Variants in MTUS2 observed in about 807,000 individuals in gnomAD.
MTUS2 encodes microtubule-associated tumor suppressor candidate 2.
MTUS2 carries 40 observed loss-of-function variants against 114.1 expected under a neutral mutation model. That is an observed-to-expected ratio of 0.35 (90% CI 0.27 to 0.46). The LOEUF (loss-of-function observed/expected upper bound fraction) is 0.46. Among genes scored for constraint, MTUS2 ranks in the 20% least tolerant of loss-of-function variants. The pLI, the probability that MTUS2 is intolerant of heterozygous loss-of-function variation, is 1.00. For missense variants in MTUS2, 1,679 were observed against 1,705.4 expected (o/e 0.98, Z 0.27); for synonymous variants, 688 against 672.0 (o/e 1.02, Z -0.37).
At chr13:29,126,279 C>T (rs114732409) in intron 5 of MTUS2, among the ~76,000 whole-genome samples, 3 of 152,256 alleles carry the variant, frequency 2.0e-5, no homozygotes, top group African/African-American at 4.8e-5. Flanking sequence ...AGAGTTCATA[C>T]GTGTAGTCAC....
At chr13:28,995,876 A>C (rs1161452248) in intron 2 of MTUS2, among the ~76,000 whole-genome samples, 6 of 152,130 alleles carry the variant, frequency 3.9e-5, no homozygotes, top group Admixed American at 2.0e-4. Context: ...TTCCTAATTG[A>C]ATACCCTTTA....
intron 2 of MTUS2, among the ~76,000 whole-genome samples, chr13:28,903,890 T>C (rs9550413): frequency 0.13 from 19,348 of 152,042 alleles, 1,476 homozygotes; most frequent in African/African-American, 0.2. Flanking sequence ...AGTGTAAAAG[T>C]GTTCCTATTT....
chr13:29,204,000 C>A (rs1411493605), intron 5 of MTUS2, among the ~76,000 whole-genome samples: 4 of 151,778 alleles, frequency 2.6e-5, no homozygotes, highest in Non-Finnish European at 5.9e-5. Context: ...CGCTCGGTCA[C>A]CCAGGCTGGA....
At chr13:29,409,068 C>T (rs761273398) in intron 8 of MTUS2, among the ~76,000 whole-genome samples, 1 of 152,114 alleles carries the variant, frequency 6.6e-6, no homozygotes, top group African/African-American at 2.4e-5. Flanking sequence ...ACCTGTAATC[C>T]CAGCACTTTG....
intron 2 of MTUS2, among the ~76,000 whole-genome samples, chr13:28,964,825 C>G (rs1176840916): frequency 6.6e-6 from 1 of 150,878 alleles, no homozygotes; most frequent in Non-Finnish European, 1.5e-5. Flanking sequence ...GATGGCTGGC[C>G]TTTCTCGATT....
Position 29,492,724 on chromosome 13 carries a change from G to T in MTUS2, c.3579+5G>T. The T allele has an allele frequency of 6.2e-7, 1 of 1,609,522 alleles. No individual in the cohort carries two copies. Among genetic ancestry groups the T allele is most frequent in the South Asian group, 1.1e-5 (1 of 90,890 alleles). On this transcript the variant is annotated splice_donor_5th_base_variant and intron_variant, in intron 12 of 15. Transcript: ENST00000612955. ...AAACTGCGGCTGTCATTGCAGGTTA[G>T]TATTTCTTTAATTTTCTTACCTGGT...
chr13:29,425,857 T>C (rs981732419), intron 8 of MTUS2, among the ~76,000 whole-genome samples: 1 of 152,144 alleles, frequency 6.6e-6, no homozygotes, highest in Admixed American at 6.5e-5. Flanking sequence ...GGCCTCTCTT[T>C]GTGTAGATCC....
At chr13:29,018,485 G>A (rs1231798744) in intron 2 of MTUS2, among the ~76,000 whole-genome samples, 2 of 152,196 alleles carry the variant, frequency 1.3e-5, no homozygotes, top group African/African-American at 4.8e-5. Context: ...AGAAATGTAT[G>A]TGCATTTGGC....
At chr13:29,171,807 T>C (rs1893573529) in intron 5 of MTUS2, among the ~76,000 whole-genome samples, 1 of 152,204 alleles carries the variant, frequency 6.6e-6, no homozygotes. Context: ...AAATGGCTGC[T>C]TGAAATCCAG....
At chr13:29,420,918 AG>A (rs999329756) in intron 8 of MTUS2, among the ~76,000 whole-genome samples, 9 of 152,342 alleles carry the variant, frequency 5.9e-5, no homozygotes, top group African/African-American at 2.2e-4. Flanking sequence ...ACTAACAGAC[AG>A]GGAAAAAAAG....
intron 5 of MTUS2, among the ~76,000 whole-genome samples, chr13:29,209,372 C>T (rs1427376084): frequency 2.0e-5 from 3 of 152,116 alleles, no homozygotes; most frequent in Non-Finnish European, 4.4e-5. Flanking sequence ...GAATTCTTAT[C>T]CATTCTTCCA....
chr13:29,446,951 A>G (rs943700323), intron 9 of MTUS2, among the ~76,000 whole-genome samples: 1 of 152,162 alleles, frequency 6.6e-6, no homozygotes, highest in Non-Finnish European at 1.5e-5. Flanking sequence ...TACATTGTAC[A>G]TGTTGATTAT....
intron 2 of MTUS2, among the ~76,000 whole-genome samples, chr13:28,928,726 T>C (rs760997734): frequency 2.6e-5 from 4 of 152,212 alleles, no homozygotes; most frequent in Non-Finnish European, 5.9e-5. Context: ...ATTCCACTCC[T>C]GGGTATATAT....
chr13:29,307,604 A>T (rs1319428334), intron 6 of MTUS2: 2 of 1,173,356 alleles, frequency 1.7e-6, no homozygotes, highest in East Asian at 4.7e-5. Flanking sequence ...ATCCTGGGCT[A>T]CACTGAGTAC....
At chr13:28,872,654 C>T (rs1877690648) in intron 2 of MTUS2, among the ~76,000 whole-genome samples, 1 of 152,092 alleles carries the variant, frequency 6.6e-6, no homozygotes, top group African/African-American at 2.4e-5. Context: ...GCTGGTTTAG[C>T]AATCAGCTCT....
At chr13:29,127,753 C>G (rs1240646358) in intron 5 of MTUS2, among the ~76,000 whole-genome samples, 1 of 152,242 alleles carries the variant, frequency 6.6e-6, no homozygotes, top group South Asian at 2.1e-4. Context: ...TGATTCTCCT[C>G]TGATCCGATA....
intron 9 of MTUS2, among the ~76,000 whole-genome samples, chr13:29,472,443 G>GCAGC (rs1880391909): frequency 6.6e-6 from 1 of 152,168 alleles, no homozygotes; most frequent in African/African-American, 2.4e-5. Context: ...GGGATCCCAG[G>GCAGC]CAGCTGTGTT....
intron 5 of MTUS2, among the ~76,000 whole-genome samples, chr13:29,162,067 G>A (rs7139933): frequency 0.025 from 3,762 of 152,098 alleles, 151 homozygotes; most frequent in African/African-American, 0.087. Flanking sequence ...TCAAAATTTA[G>A]CATCCCTCCA....
intron 8 of MTUS2, among the ~76,000 whole-genome samples, chr13:29,419,038 T>C (rs966835154): frequency 1.3e-5 from 2 of 152,236 alleles, no homozygotes; most frequent in African/African-American, 4.8e-5. Flanking sequence ...CCCAGATCAG[T>C]AAATTCAGCC....
Sources: gnomAD v4.1 joint callset for allele counts (sites outside exome capture counted in the v4.1 genomes callset) on GRCh38, gnomAD v4.1.1 for gene constraint, MANE v1.5 for transcripts, NCBI Gene and HGNC (gene_info 2026-07-23, HGNC 2026-07-21) for gene names.